The following PLCH1 variants were observed in gnomAD, a reference collection of about 807,000 sequenced individuals.
The protein encoded by PLCH1 is phospholipase C eta 1.
A neutral mutation model predicts 126.7 loss-of-function variants in PLCH1; 60 were observed. The ratio of observed to expected loss-of-function variants is 0.47; its 90% CI spans 0.38 to 0.59. The LOEUF is 0.59. Ranked by LOEUF, PLCH1 falls within the 20% of genes least tolerant of loss-of-function variation. PLCH1 has a pLI of 0.00. For missense variants in PLCH1, 1,723 were observed against 2,040.0 expected, an observed-to-expected ratio of 0.84 and a Z score of 2.99; for synonymous variants, 719 against 734.9, an observed-to-expected ratio of 0.98 and a Z score of 0.35.
intron 2 of PLCH1, among the ~76,000 whole-genome samples, chr3:155,692,866 C>T (rs1312229740): frequency 6.6e-6 from 1 of 152,088 alleles, no homozygotes; most frequent in Non-Finnish European, 1.5e-5. Context: ...ACGCCATTCT[C>T]CTGCCTCAGC....
intron 10 of PLCH1, among the ~76,000 whole-genome samples, chr3:155,540,572 G>A (rs1203610954): frequency 6.6e-6 from 1 of 152,038 alleles, no homozygotes; most frequent in Non-Finnish European, 1.5e-5. Context: ...CCATCAAAAA[G>A]TAGGCTAAGG....
intron 2 of PLCH1, among the ~76,000 whole-genome samples, chr3:155,634,817 T>C (rs1266971985): frequency 2.2e-4 from 34 of 152,218 alleles, no homozygotes; most frequent in Admixed American, 2.2e-3. Flanking sequence ...TTCTTAAAGT[T>C]GTATTTCTTT....
chr3:155,496,703 T>C (rs1219169452), intron 15 of PLCH1, among the ~76,000 whole-genome samples: 1 of 152,030 alleles, frequency 6.6e-6, no homozygotes, highest in Non-Finnish European at 1.5e-5. Context: ...AGTAACTAAA[T>C]GAAATAGAAG....
chr3:155,531,539 C>A (rs982501527), intron 10 of PLCH1, among the ~76,000 whole-genome samples: 1 of 152,208 alleles, frequency 6.6e-6, no homozygotes. Flanking sequence ...GCAGGAGAAT[C>A]ACTTGAACCC....
At chr3:155,702,983 A>G (rs1268197093) in intron 2 of PLCH1, among the ~76,000 whole-genome samples, 1 of 152,196 alleles carries the variant, frequency 6.6e-6, no homozygotes, top group Admixed American at 6.5e-5. Context: ...AAGAGAACCA[A>G]CCTGGAAAGG....
chr3:155,573,845 T>C (rs1299861089), intron 6 of PLCH1, among the ~76,000 whole-genome samples: 1 of 152,142 alleles, frequency 6.6e-6, no homozygotes, highest in African/African-American at 2.4e-5. Flanking sequence ...ATTATAGCCA[T>C]CTTCATAATC....
intron 9 of PLCH1, among the ~76,000 whole-genome samples, chr3:155,552,853 G>C (rs1364910746): frequency 6.6e-6 from 1 of 152,190 alleles, no homozygotes; most frequent in African/African-American, 2.4e-5. Context: ...AGGCAATGGA[G>C]TCAAAAGATA....
Position 155,711,527 on chromosome 3 carries a change from A to G in PLCH1, c.-40-7263T>C, listed in dbSNP as rs1747123531. Among the ~76,000 whole-genome samples, 4 of 152,148 alleles carry G rather than the reference A, an allele frequency of 2.6e-5. No individual in the cohort carries two copies. The South Asian group carries it at 8.3e-4, about 32-fold the overall frequency. On this transcript the variant is annotated intron_variant, in intron 1 of 22. Coordinates refer to ENST00000460012, the MANE Select transcript of PLCH1 (RefSeq NM_014996.4). ...ATGAAAAAAAAAATCCTTCACACCC[A>G]CACCCACTTACTAGAATTAAAGCTC...
chr3:155,696,341 G>A (rs1222867710), intron 2 of PLCH1, among the ~76,000 whole-genome samples: 1 of 152,134 alleles, frequency 6.6e-6, no homozygotes, highest in Non-Finnish European at 1.5e-5. Context: ...TGATAGATAG[G>A]AGATTGGAGG....
chr3:155,740,406 CAAAAA>C (rs60626575), intron 1 of PLCH1, among the ~76,000 whole-genome samples: 1 of 102,188 alleles, frequency 9.8e-6, no homozygotes, highest in Non-Finnish European at 2.2e-5. Flanking sequence ...GACTCTGTCT[CAAAAA>C]AAAAAAAAAA....
At chr3:155,538,009 T>C (rs1723679359) in intron 10 of PLCH1, among the ~76,000 whole-genome samples, 1 of 151,734 alleles carries the variant, frequency 6.6e-6, no homozygotes, top group Non-Finnish European at 1.5e-5. Flanking sequence ...ACAAAACAAG[T>C]CTCAACGAAT....
chr3:155,654,729 A>G (rs1265081817), intron 2 of PLCH1, among the ~76,000 whole-genome samples: 1 of 152,188 alleles, frequency 6.6e-6, no homozygotes, highest in African/African-American at 2.4e-5. Context: ...TTCATGTAAT[A>G]ATATCATGAC....
intron 2 of PLCH1, among the ~76,000 whole-genome samples, chr3:155,667,682 T>C (rs956932656): frequency 1.3e-5 from 2 of 152,062 alleles, no homozygotes; most frequent in African/African-American, 2.4e-5. Context: ...AGGAACACTT[T>C]CTCCATTGTG....
At chr3:155,735,239 G>A (rs535942974) in intron 1 of PLCH1, among the ~76,000 whole-genome samples, 89 of 152,294 alleles carry the variant, frequency 5.8e-4, no homozygotes, top group African/African-American at 2.1e-3. Flanking sequence ...GAAGATGCTG[G>A]TCAAAGGATA....
At chr3:155,722,902 ATTC>A (rs770295347) in intron 1 of PLCH1, among the ~76,000 whole-genome samples, 55 of 152,254 alleles carry the variant, frequency 3.6e-4, no homozygotes, top group Middle Eastern at 3.4e-3. Context: ...ATTGGTGCCA[ATTC>A]TTCTTTGAAT....
intron 21 of PLCH1, among the ~76,000 whole-genome samples, chr3:155,486,541 G>A (rs867139030): frequency 0.011 from 1,516 of 134,442 alleles, 29 homozygotes; most frequent in African/African-American, 0.04. Flanking sequence ...TTTTTGAGAC[G>A]GAGTCTCGCT....
chr3:155,472,697 G>A (rs777897313), intron 21 of PLCH1, among the ~76,000 whole-genome samples: 1,647 of 150,602 alleles, frequency 0.011, 15 homozygotes, highest in Middle Eastern at 0.024. Flanking sequence ...CTGGCAAAAC[G>A]AATCCAGCAG....
At chr3:155,561,291 A>G (rs1249085459) in intron 8 of PLCH1, among the ~76,000 whole-genome samples, 1 of 49,860 alleles carries the variant, frequency 2.0e-5, no homozygotes, top group East Asian at 7.4e-4. Context: ...CCCTCCCCCC[A>G]CCCCACAACA....
chr3:155,494,015 A>G (rs1716637161), intron 17 of PLCH1, 126 bp downstream of exon 17: 1 of 626,076 alleles, frequency 1.6e-6, no homozygotes, highest in Non-Finnish European at 2.7e-6. Flanking sequence ...TATCTTTTTG[A>G]AAAAAAAAAG....
Sources: gnomAD v4.1 joint callset for allele counts (sites outside exome capture counted in the v4.1 genomes callset) on GRCh38, gnomAD v4.1.1 for gene constraint, MANE v1.5 for transcripts, NCBI Gene and HGNC (gene_info 2026-07-23, HGNC 2026-07-21) for gene names.